Variants in GSG1L observed in about 807,000 individuals in gnomAD.
GSG1L encodes the protein germ cell-specific gene 1-like protein.
In GSG1L, 24 loss-of-function variants were observed where a neutral mutation model predicts 42.1. That is an observed-to-expected ratio of 0.57 (90% CI 0.41 to 0.80). The LOEUF (loss-of-function observed/expected upper bound fraction) is 0.80, where lower values mean the gene tolerates loss of function less well. Ranked by LOEUF, GSG1L falls within the 30% of genes least tolerant of loss-of-function variation. GSG1L has a pLI of 0.00. For missense variants in GSG1L, 445 were observed against 472.2 expected, an observed-to-expected ratio of 0.94 and a Z score of 0.53; for synonymous variants, 215 against 203.5, an observed-to-expected ratio of 1.06 and a Z score of -0.48.
chr16:27,966,977 T>C (rs2085143294), intron 1 of GSG1L, among the ~76,000 whole-genome samples: 1 of 152,134 alleles, frequency 6.6e-6, no homozygotes, highest in African/African-American at 2.4e-5. Context: ...CGCCCACTAC[T>C]GCTCTGCCCC....
At chr16:27,965,200 G>A (rs906670828) in intron 1 of GSG1L, among the ~76,000 whole-genome samples, 14 of 151,838 alleles carry the variant, frequency 9.2e-5, no homozygotes, top group Non-Finnish European at 1.5e-4. Flanking sequence ...TGTATTTTTA[G>A]TAAAGATGGG....
At chr16:27,891,136 G>A (rs1424073098) in intron 2 of GSG1L, among the ~76,000 whole-genome samples, 2 of 152,174 alleles carry the variant, frequency 1.3e-5, no homozygotes, top group African/African-American at 4.8e-5. Context: ...CGTGCCAAGT[G>A]TAAGCTGGTG....
In GSG1L at chr16:27,984,311, C is replaced by T. The variant is rs137938027; in HGVS notation, c.350-21108G>A. ...AACATGTAGCAATCCAGCCAGGAGC[C>T]GAGAGACCAAGAAATGGGCAGAGGG... On this transcript the variant is annotated intron_variant, in intron 1 of 6. Transcript: ENST00000447459. Among the ~76,000 whole-genome samples the T allele has an allele frequency of 1.6e-3, 242 of 152,158 alleles. 1 individual carries two copies. The highest frequency in any genetic ancestry group is 2.1e-3 in the South Asian group (10 of 4,806).
At chr16:27,885,037 C>T (rs1221898282) in intron 2 of GSG1L, among the ~76,000 whole-genome samples, 1 of 152,190 alleles carries the variant, frequency 6.6e-6, no homozygotes, top group African/African-American at 2.4e-5. Flanking sequence ...GCCCTCGGAG[C>T]TGCCCTGTTC....
At chr16:27,845,882 T>G (rs2083437166) in intron 3 of GSG1L, among the ~76,000 whole-genome samples, 1 of 152,164 alleles carries the variant, frequency 6.6e-6, no homozygotes, top group Non-Finnish European at 1.5e-5. Flanking sequence ...TTGCATAGAT[T>G]ACACCTTTTT....
At chr16:27,991,841 A>G (rs1475315938) in intron 1 of GSG1L, among the ~76,000 whole-genome samples, 4 of 152,158 alleles carry the variant, frequency 2.6e-5, no homozygotes, top group Non-Finnish European at 4.4e-5. Context: ...TTGGAATCCT[A>G]CTGGGCCCAA....
chr16:27,787,868 C>G lies in GSG1L; in HGVS notation c.*3502G>C, dbSNP rs1012274247. On this transcript the variant is annotated 3_prime_UTR_variant, in exon 7 of 7. Coordinates refer to ENST00000447459, the MANE Select transcript of GSG1L (RefSeq NM_001109763.2). ...CCCTGCCCAGGCCCATATATGGCAG[C>G]CGCCCTCTCTTGCATGAGGCCAAAG... 6.6e-6 allele frequency: 1 copy of G among 152,210 alleles called. No individual in the cohort carries two copies. Among genetic ancestry groups the G allele is most frequent in the Non-Finnish European group, 1.5e-5 (1 of 68,054 alleles). 9.4% of individuals were successfully genotyped at this position (152,210 alleles called of 1,614,324 possible).
At position 27,791,485 on chromosome 16, in the gene GSG1L, G is replaced by A. The variant is rs781000555; in HGVS notation, c.899-18C>T. The A allele has an allele frequency of 2.1e-5, 30 of 1,447,720 alleles. No individual in the cohort carries two copies. Among genetic ancestry groups the A allele is most frequent in the Admixed American group, 7.5e-5 (3 of 39,876 alleles). 89.7% of individuals were successfully genotyped at this position (1,447,720 alleles called of 1,614,324 possible). A position where few individuals can be genotyped will look rare whatever the true frequency, so the allele number is the denominator to read the frequency against. On this transcript the variant is annotated intron_variant, in intron 6 of 6. Coordinates refer to ENST00000447459, the MANE Select transcript of GSG1L (RefSeq NM_001109763.2). The stretch of plus-strand genomic sequence containing the variant: ...CTGGTGTCCTGCCAGGAGACAAGGC[G>A]GTCAGTGCTGAAAGCCACCTTCCTC...
chr16:27,887,293 G>A (rs1019518781), intron 2 of GSG1L, among the ~76,000 whole-genome samples: 2 of 152,134 alleles, frequency 1.3e-5, no homozygotes, highest in Non-Finnish European at 2.9e-5. Context: ...GAGGCTAGAA[G>A]GATGTAAAGA....
chr16:27,791,845 T>C (rs2144382977), intron 6 of GSG1L, among the ~76,000 whole-genome samples: 1 of 152,048 alleles, frequency 6.6e-6, no homozygotes. Context: ...GCCATCCTCC[T>C]ACCACCCAGT....
intron 1 of GSG1L, among the ~76,000 whole-genome samples, chr16:28,009,992 C>G (rs1161404869): frequency 6.6e-6 from 1 of 152,178 alleles, no homozygotes; most frequent in African/African-American, 2.4e-5. Context: ...CTCATGCACA[C>G]ACACACACCC....
At chr16:27,848,270 C>G (rs533127198) in intron 3 of GSG1L, among the ~76,000 whole-genome samples, 187 of 152,298 alleles carry the variant, frequency 1.2e-3, no homozygotes, top group African/African-American at 4.5e-3. Context: ...TCCCCAGCGC[C>G]AAGCCCAGTA....
intron 3 of GSG1L, among the ~76,000 whole-genome samples, chr16:27,870,262 T>C (rs1012193466): frequency 6.7e-6 from 1 of 148,746 alleles, no homozygotes; most frequent in Non-Finnish European, 1.5e-5. Flanking sequence ...TCTGTCTCCC[T>C]CCATCTCTCT....
intron 1 of GSG1L, among the ~76,000 whole-genome samples, chr16:28,002,754 C>A (rs1370478006): frequency 6.6e-6 from 1 of 151,408 alleles, no homozygotes; most frequent in Non-Finnish European, 1.5e-5. Flanking sequence ...CACGGTGAAA[C>A]CCCGTCTCTA....
intron 2 of GSG1L, among the ~76,000 whole-genome samples, chr16:27,944,951 C>G (rs1448342748): frequency 6.6e-6 from 1 of 151,374 alleles, no homozygotes; most frequent in Non-Finnish European, 1.5e-5. Flanking sequence ...GTGGCGTGTA[C>G]CTGTAGTCTC....
chr16:27,966,330 C>T (rs1476792222), intron 1 of GSG1L, among the ~76,000 whole-genome samples: 3 of 152,096 alleles, frequency 2.0e-5, no homozygotes, highest in Non-Finnish European at 4.4e-5. Flanking sequence ...AAAGCGAGAC[C>T]CCATTTCTAC....
intron 1 of GSG1L, among the ~76,000 whole-genome samples, chr16:28,042,840 C>T (rs938716300): frequency 2.0e-5 from 3 of 152,132 alleles, no homozygotes; most frequent in East Asian, 1.9e-4. Flanking sequence ...CTTGGCAGAT[C>T]GGAAGATCAG....
chr16:27,798,061 A>G (rs532905174), intron 6 of GSG1L, among the ~76,000 whole-genome samples: 1 of 152,244 alleles, frequency 6.6e-6, no homozygotes, highest in South Asian at 2.1e-4. Context: ...GGGTTGAAAA[A>G]TTACCTACAG....
At chr16:27,806,382 A>G (rs900758827) in intron 6 of GSG1L, among the ~76,000 whole-genome samples, 1 of 152,216 alleles carries the variant, frequency 6.6e-6, no homozygotes, top group Non-Finnish European at 1.5e-5. Flanking sequence ...AATCAGACAG[A>G]CCTGTGTTTA....
Sources: allele counts gnomAD v4.1 joint callset (sites outside exome capture counted in the v4.1 genomes callset), GRCh38; gene constraint gnomAD v4.1.1; transcripts MANE v1.5; gene names NCBI Gene and HGNC (gene_info 2026-07-23, HGNC 2026-07-21).